The following ZNF506 variants were observed in gnomAD, a reference collection of about 807,000 sequenced individuals.
The protein encoded by ZNF506 is zinc finger protein 506.
Under a neutral mutation model 11.6 loss-of-function variants are expected in ZNF506, and 10 were observed. That is an observed-to-expected ratio of 0.86 (90% confidence interval 0.53 to 1.46). The LOEUF (loss-of-function observed/expected upper bound fraction) is 1.46. Among genes scored for constraint, ZNF506 ranks in the 40% most tolerant of loss-of-function variants. ZNF506 has a pLI of 0.00. For synonymous variants in ZNF506, 156 were observed against 173.3 expected (o/e 0.90, Z 0.78); for missense variants, 425 against 521.2 (o/e 0.82, Z 1.80).
At chr19:19,807,977 G>A (rs1020225572) in intron 1 of ZNF506, among the ~76,000 whole-genome samples, 1 of 151,752 alleles carries the variant, frequency 6.6e-6, no homozygotes, top group Non-Finnish European at 1.5e-5. Context: ...AAAAAAATAA[G>A]AAAGGACAGC....
At chr19:19,798,078 T>C (rs1166832061) in intron 3 of ZNF506, 4 of 152,176 alleles carry the variant, frequency 2.6e-5, no homozygotes, top group East Asian at 1.9e-4. Flanking sequence ...CTGGAAAAGA[T>C]AGGCACATTC....
intron 1 of ZNF506, among the ~76,000 whole-genome samples, chr19:19,808,192 C>G (rs1402251873): frequency 7.7e-6 from 1 of 129,588 alleles, no homozygotes; most frequent in Non-Finnish European, 1.6e-5. Context: ...GGCGCGATCT[C>G]GGCTCACTGC....
chr19:19,813,949 G>C (rs1442414644), intron 1 of ZNF506, among the ~76,000 whole-genome samples: 1 of 151,998 alleles, frequency 6.6e-6, no homozygotes, highest in African/African-American at 2.4e-5. Context: ...TGGCACTTTA[G>C]TCTGGGCAAT....
chr19:19,810,879 C>T (rs1020161029), intron 1 of ZNF506, among the ~76,000 whole-genome samples: 5 of 151,926 alleles, frequency 3.3e-5, no homozygotes, highest in African/African-American at 9.7e-5. Context: ...AAACTCTGAT[C>T]TCTTCTAATC....
chr19:19,816,188 TTC>T (rs1455527528), intron 1 of ZNF506, among the ~76,000 whole-genome samples: 3 of 151,424 alleles, frequency 2.0e-5, no homozygotes, highest in African/African-American at 4.9e-5. Context: ...TTCTTTTCTT[TTC>T]TTTTTTTTTT....
Position 19,794,299 on chromosome 19 carries a change from A to G in ZNF506, c.*253T>C. 1 of 325,246 alleles carries G rather than the reference A, an allele frequency of 3.1e-6. No homozygotes were observed. Among genetic ancestry groups the G allele is most frequent in the Non-Finnish European group, 5.6e-6 (1 of 178,794 alleles). The allele number at this position is 325,246 out of a possible 1,614,324, so 20.1% of individuals were successfully genotyped here. A position where few individuals can be genotyped will look rare whatever the true frequency, so the allele number is the denominator to read the frequency against. ...CACTCCAGCCTGGGTGACAAGAGTG[A>G]AACTCCATCTCAAAAAACAAAAAGA... is the stretch of plus-strand genomic sequence containing the variant. On this transcript the variant is annotated 3_prime_UTR_variant, in exon 4 of 4. Transcript: ENST00000540806.
chr19:19,795,742 A>G, intron 3 of ZNF506, 82 bp from the exon 4 acceptor site: 1 of 1,297,222 alleles, frequency 7.7e-7, no homozygotes, highest in Non-Finnish European at 1.0e-6. Context: ...ATAAAATTAT[A>G]CAAACTACGT....
rs371435695 is a variant in ZNF506, at chr19:19,816,549, A to G, written c.3+5052T>C. On this transcript the variant is annotated intron_variant, in intron 1 of 3. Coordinates refer to ENST00000540806, the MANE Select transcript of ZNF506 (RefSeq NM_001099269.3). ...ATTTTTTTGTATTTGTAGTAGAGACAGGGTTTCACCCTGTTAGCCAGGATG... is the reference window on the plus strand; with the variant it reads ...ATTTTTTTGTATTTGTAGTAGAGACGGGGTTTCACCCTGTTAGCCAGGATG... Among the ~76,000 whole-genome samples, 244 of 152,190 alleles carry G rather than the reference A, an allele frequency of 1.6e-3. 1 individual carries two copies. Among genetic ancestry groups the G allele is most frequent in the Non-Finnish European group, 2.3e-3 (155 of 67,994 alleles).
intron 3 of ZNF506, chr19:19,797,124 A>C (rs780485573): frequency 4.7e-5 from 7 of 148,236 alleles, no homozygotes; most frequent in Non-Finnish European, 1.0e-4. Context: ...AGCAACAATA[A>C]AAAGTGTATA....
intron 1 of ZNF506, among the ~76,000 whole-genome samples, chr19:19,810,291 A>G (rs897166237): frequency 2.0e-5 from 3 of 152,196 alleles, no homozygotes; most frequent in African/African-American, 7.2e-5. Context: ...TCTCCATCCT[A>G]AAGTTTTATA....
rs1030385218 is a variant in ZNF506 at position 19,795,178 on chromosome 19, C to T, written c.709G>A (p.Ala237Thr). The stretch of plus-strand genomic sequence containing the variant: ...GTAAGGTTACAGGACTGCTTATAGG[C>T]TTTGCCACATTCTTCACATTTGTAG... Reference protein sequence around the residue: ...KPYKCEECGKAYKQSCNLTTH... With the variant: ...KPYKCEECGKTYKQSCNLTTH... The change falls in exon 4 of 4, where the codon GCC becomes ACC. Residue 237 changes from alanine to threonine, a missense_variant. Physicochemically the swap from Ala to Thr is moderately conservative, Grantham distance 58. Around this residue, in one of 3 missense-constraint regions of ZNF506, gnomAD observed 226 missense variants for 279.1 expected, o/e 0.81. Transcript: ENST00000540806. 1.2e-6 allele frequency: 2 copies of T among 1,613,672 alleles called. No homozygotes were observed. The highest frequency in any genetic ancestry group is 1.3e-5 in the African/African-American group (1 of 74,902).
chr19:19,821,614 C>T lies in ZNF506; in HGVS notation c.-11G>A. The stretch of plus-strand genomic sequence containing the variant: ...TGGCACTCTCACCATTTCTAGGCTT[C>T]CAGGGGGTCCCGGCGTCCTAGCTGT... On this transcript the variant is annotated 5_prime_UTR_variant, in exon 1 of 4. Transcript: ENST00000540806. The T allele has an allele frequency of 6.2e-7, 1 of 1,614,052 alleles. No homozygotes were observed. The highest frequency in any genetic ancestry group is 1.1e-5 in the South Asian group (1 of 91,074).
Position 19,794,786 on chromosome 19 carries a change from T to G in ZNF506, c.1101A>C (p.Lys367Asn), listed in dbSNP as rs764837713. 1.2e-6 allele frequency: 2 copies of G among 1,613,980 alleles called. No homozygotes were observed. The highest frequency in any genetic ancestry group is 1.7e-6 in the Non-Finnish European group (2 of 1,179,984). Reference protein sequence around the residue: ...SKHKRAHTGEKPYKCEECGKA... With the variant: ...SKHKRAHTGENPYKCEECGKA... ...TGCCACATTCTTCACACTTGTAGGG[T>G]TTCTCTCCAGTATGAGCTCTCTTAT... is the stretch of plus-strand genomic sequence containing the variant. The change falls in exon 4 of 4, where the codon AAA becomes AAC. Residue 367 changes from lysine to asparagine, a missense_variant. By Grantham distance (94) the Lys-to-Asn change is moderately conservative (BLOSUM62 0). Transcript: ENST00000540806.
Position 19,807,070 on chromosome 19 carries a change from T to C in ZNF506, c.4-2A>G, listed in dbSNP as rs542010461. 1 of 1,613,170 alleles carries C rather than the reference T, an allele frequency of 6.2e-7. No homozygotes were observed. The highest frequency in any genetic ancestry group is 1.3e-5 in the African/African-American group (1 of 74,974). On this transcript the variant is annotated splice_acceptor_variant, in intron 1 of 3. Transcript: ENST00000540806. LOFTEE classifies it high-confidence loss of function. Reference sequence around the variant, plus strand: ...CACATCTCTAAATTGCAATGGTCCCTGAAAAAAACACACACACTTATTTTT... The same window carrying C: ...CACATCTCTAAATTGCAATGGTCCCCGAAAAAAACACACACACTTATTTTT...
At chr19:19,820,081 G>A (rs1437531460) in intron 1 of ZNF506, among the ~76,000 whole-genome samples, 2 of 151,228 alleles carry the variant, frequency 1.3e-5, no homozygotes, top group Non-Finnish European at 2.9e-5. Context: ...TGGCGACAGA[G>A]TGAGACTCCA....
intron 3 of ZNF506, chr19:19,796,025 C>T (rs539435805): frequency 3.9e-5 from 10 of 259,380 alleles, no homozygotes; most frequent in Non-Finnish European, 4.7e-5. Context: ...AGCTCACACC[C>T]GTGACCCCAG....
At chr19:19,812,614 C>G (rs957370203) in intron 1 of ZNF506, among the ~76,000 whole-genome samples, 9 of 152,298 alleles carry the variant, frequency 5.9e-5, no homozygotes, top group Admixed American at 2.0e-4. Context: ...TCTCAAAGAG[C>G]CACACTCCCA....
intron 3 of ZNF506, chr19:19,799,503 AG>A (rs1390826917): frequency 7.8e-6 from 5 of 642,504 alleles, no homozygotes; most frequent in South Asian, 1.8e-5. Context: ...AAAATTTCAT[AG>A]ATTACTTTCT....
chr19:19,806,125 A>G lies in ZNF506; in HGVS notation c.132T>C (p.Gly44=). ...LENYRNLIFL[G]IVVSKPNLIT... ...TCAGGTTTGGTTTAGAGACAACAAT[A>G]CCTGTTTTATTAAGAATAAATAATA... The change falls in exon 3 of 4, where the codon GGT becomes GGC. Residue 44 remains glycine (G), a splice_region_variant and synonymous_variant. Coordinates refer to ENST00000540806, the MANE Select transcript of ZNF506 (RefSeq NM_001099269.3). The G allele has an allele frequency of 6.3e-7, 1 of 1,597,942 alleles. No individual in the cohort carries two copies. Among genetic ancestry groups the G allele is most frequent in the Non-Finnish European group, 8.5e-7 (1 of 1,173,096 alleles).
Sources: gnomAD v4.1 joint callset for allele counts (sites outside exome capture counted in the v4.1 genomes callset) on GRCh38, gnomAD v4.1.1 for gene constraint, gnomAD v4.1.1 regional missense constraint, MANE v1.5 for transcripts, NCBI Gene and HGNC (gene_info 2026-07-23, HGNC 2026-07-21) for gene names.